The following SLC25A13 variants were observed in gnomAD, a reference collection of about 807,000 sequenced individuals.
SLC25A13 encodes solute carrier family 25 member 13, also known as electrogenic aspartate/glutamate antiporter SLC25A13, mitochondrial.
SLC25A13 carries 70 observed loss-of-function variants against 85.5 expected under a neutral mutation model. The ratio of observed to expected loss-of-function variants is 0.82; its 90% CI spans 0.68 to 1.00. The LOEUF is 1.00. SLC25A13 is among the 50% of genes least tolerant of loss of function. SLC25A13 has a pLI of 0.00. For missense variants in SLC25A13, 765 were observed against 819.8 expected, an observed-to-expected ratio of 0.93 and a Z score of 0.82; for synonymous variants, 259 against 288.7, an observed-to-expected ratio of 0.90 and a Z score of 1.04.
intron 15 of SLC25A13, among the ~76,000 whole-genome samples, chr7:96,130,115 T>C (rs566784911): frequency 5.3e-5 from 8 of 152,214 alleles, no homozygotes; most frequent in African/African-American, 1.7e-4. Context: ...TGAAAAAAAA[T>C]CTCACCAGTC....
intron 1 of SLC25A13, chr7:96,306,988 C>T: frequency 2.4e-6 from 2 of 833,478 alleles, no homozygotes; most frequent in Admixed American, 2.1e-5. Context: ...GATGGCTTCC[C>T]TTTGCCATGA....
intron 2 of SLC25A13, among the ~76,000 whole-genome samples, chr7:96,279,752 G>A (rs1798600967): frequency 6.6e-6 from 1 of 152,032 alleles, no homozygotes; most frequent in East Asian, 1.9e-4. Flanking sequence ...TTTAAAGTAG[G>A]TTTATCTTTT....
chr7:96,240,748 A>AG (rs113881149), intron 3 of SLC25A13, among the ~76,000 whole-genome samples: 1 of 28,556 alleles, frequency 3.5e-5, no homozygotes, highest in Non-Finnish European at 1.2e-4. Flanking sequence ...CATCTACTAG[A>AG]AAAAAAAAAA....
rs894601715 is a variant in SLC25A13, at chr7:96,321,347, G to T, written c.15+595C>A. 6.6e-5 allele frequency among the ~76,000 whole-genome samples: 10 copies of T among 152,290 alleles called. No individual in the cohort carries two copies. In the South Asian group the frequency reaches 1.5e-3, roughly 22 times the overall value. On this transcript the variant is annotated intron_variant, in intron 1 of 17. Coordinates refer to ENST00000265631, the MANE Select transcript of SLC25A13 (RefSeq NM_014251.3). The stretch of plus-strand genomic sequence containing the variant: ...GTGTTGTCAGATGGAGAGAGGGAGG[G>T]GGAAGATGGGAATGATGGGAAAGCG...
intron 14 of SLC25A13, among the ~76,000 whole-genome samples, chr7:96,140,397 C>CT (rs59863233): frequency 0.03 from 2,627 of 88,120 alleles, 83 homozygotes; most frequent in Non-Finnish European, 0.039. Context: ...CAAGGATCTC[C>CT]TTTTTTTTTT....
intron 5 of SLC25A13, among the ~76,000 whole-genome samples, chr7:96,200,753 T>C (rs1795225203): frequency 6.6e-6 from 1 of 152,152 alleles, no homozygotes; most frequent in South Asian, 2.1e-4. Context: ...AACTTCACAG[T>C]GGGTAACAGC....
At chr7:96,238,332 A>C (rs960847768) in intron 3 of SLC25A13, among the ~76,000 whole-genome samples, 18 of 152,050 alleles carry the variant, frequency 1.2e-4, no homozygotes, top group African/African-American at 4.4e-4. Context: ...CCTCAGAAGA[A>C]ACCAACCCTG....
intron 1 of SLC25A13, among the ~76,000 whole-genome samples, chr7:96,320,624 T>G (rs1209082797): frequency 1.3e-5 from 2 of 152,128 alleles, no homozygotes; most frequent in Admixed American, 6.5e-5. Flanking sequence ...TATAGATAGA[T>G]ATACACACGC....
chr7:96,245,431 C>T (rs1479677140), intron 3 of SLC25A13, among the ~76,000 whole-genome samples: 1 of 152,140 alleles, frequency 6.6e-6, no homozygotes, highest in African/African-American at 2.4e-5. Context: ...AGGAAAAGAA[C>T]CACTACAAGC....
At chr7:96,286,039 C>T (rs1798872010) in intron 2 of SLC25A13, among the ~76,000 whole-genome samples, 1 of 152,150 alleles carries the variant, frequency 6.6e-6, no homozygotes, top group Non-Finnish European at 1.5e-5. Context: ...AATCCCAGCA[C>T]TTTGGGAGGC....
rs116566386 is a variant in SLC25A13, at chr7:96,168,329, T to C, written c.1311+1716A>G. Among the ~76,000 whole-genome samples the C allele has an allele frequency of 2.9e-3, 434 of 152,082 alleles. 1 individual carries two copies. The highest frequency in any genetic ancestry group is 9.7e-3 in the African/African-American group (402 of 41,506). On this transcript the variant is annotated intron_variant, in intron 13 of 17. Coordinates refer to ENST00000265631, the MANE Select transcript of SLC25A13 (RefSeq NM_014251.3). The stretch of plus-strand genomic sequence containing the variant: ...AAGCTAAGGACCACTGTCTACCTCT[T>C]TGAGATGAAGGATGGCAAACCTCAT...
chr7:96,213,587 T>C (rs1358852260), intron 4 of SLC25A13, among the ~76,000 whole-genome samples: 1 of 152,168 alleles, frequency 6.6e-6, no homozygotes, highest in East Asian at 1.9e-4. Context: ...CAAACCTAAC[T>C]TGCAGTCCTG....
chr7:96,299,364 AG>A (rs1211460440), intron 1 of SLC25A13, among the ~76,000 whole-genome samples: 2 of 152,222 alleles, frequency 1.3e-5, no homozygotes, highest in Non-Finnish European at 2.9e-5. Flanking sequence ...AACACTTATA[AG>A]GCATGTTGCC....
At chr7:96,208,469 C>T (rs1311214513) in intron 5 of SLC25A13, among the ~76,000 whole-genome samples, 1 of 151,426 alleles carries the variant, frequency 6.6e-6, no homozygotes, top group African/African-American at 2.4e-5. Context: ...CTTTTACACA[C>T]AATTTGATTC....
chr7:96,244,033 C>T (rs975802845), intron 3 of SLC25A13, among the ~76,000 whole-genome samples: 2 of 152,080 alleles, frequency 1.3e-5, no homozygotes, highest in Non-Finnish European at 2.9e-5. Flanking sequence ...CAGTTAGAAG[C>T]GGCTACAGTA....
chr7:96,173,018 A>G (rs1389308889), intron 11 of SLC25A13, among the ~76,000 whole-genome samples: 1 of 152,232 alleles, frequency 6.6e-6, no homozygotes, highest in African/African-American at 2.4e-5. Flanking sequence ...TTGGCCTTCC[A>G]AAGTGTCGGG....
intron 13 of SLC25A13, chr7:96,169,831 G>A: frequency 1.7e-6 from 1 of 585,118 alleles, no homozygotes. Context: ...GAATTTAACA[G>A]GCATGACTTA....
intron 14 of SLC25A13, among the ~76,000 whole-genome samples, chr7:96,140,342 C>T (rs879802263): frequency 1.3e-5 from 2 of 151,348 alleles, no homozygotes; most frequent in Non-Finnish European, 2.9e-5. Context: ...GAGAAAACTC[C>T]ATACTGTTTT....
intron 3 of SLC25A13, among the ~76,000 whole-genome samples, chr7:96,273,290 C>G (rs983410257): frequency 5.3e-5 from 8 of 152,044 alleles, no homozygotes; most frequent in Non-Finnish European, 7.4e-5. Flanking sequence ...AGAGACATAA[C>G]TAACTGCAGT....
Sources: gnomAD v4.1 joint callset for allele counts (sites outside exome capture counted in the v4.1 genomes callset) on GRCh38, gnomAD v4.1.1 for gene constraint, MANE v1.5 for transcripts, NCBI Gene and HGNC (gene_info 2026-07-23, HGNC 2026-07-21) for gene names.